Variants in MSN observed in about 807,000 individuals in gnomAD.
The protein encoded by MSN is epididymis luminal protein 70.
In MSN, 2 loss-of-function variants were observed where a neutral mutation model predicts 48.0. That is an observed-to-expected ratio of 0.04 (90% CI 0.02 to 0.13). The LOEUF is 0.13. MSN is among the 10% of genes least tolerant of loss of function. The pLI is 1.00. For synonymous variants in MSN, 146 were observed against 166.9 expected, an observed-to-expected ratio of 0.87 and a Z score of 0.97; for missense variants, 267 against 470.1, an observed-to-expected ratio of 0.57 and a Z score of 3.99.
intron 1 of MSN, chrX:65,589,144 A>T (rs5964986): frequency 0.092 from 11,266 of 122,914 alleles, 1,467 homozygotes; most frequent in African/African-American, 0.35. Flanking sequence ...TTTTCACTCC[A>T]CTCTCTATCC....
Position 65,737,345 on chromosome X carries a change from C to G in MSN, c.1251+7C>G, listed in dbSNP as rs1198149712. On this transcript the variant is annotated splice_region_variant and intron_variant, in intron 10 of 12. Coordinates refer to ENST00000360270, the MANE Select transcript of MSN (RefSeq NM_002444.3). Reference sequence around the variant, plus strand: ...AAAGACTCAGGAACAGCTGGTAAAGCTGTAGGGTGGGCTGGGATTATGGGA... The same window carrying G: ...AAAGACTCAGGAACAGCTGGTAAAGGTGTAGGGTGGGCTGGGATTATGGGA... 8.3e-7 allele frequency: 1 copy of G among 1,202,887 alleles called. No homozygotes were observed. Among genetic ancestry groups the G allele is most frequent in the East Asian group, 3.0e-5 (1 of 33,676 alleles).
chrX:65,611,793 G>A (rs899209916), intron 1 of MSN, among the ~76,000 whole-genome samples: 5 of 110,856 alleles, frequency 4.5e-5, no homozygotes, highest in Admixed American at 9.7e-5. Flanking sequence ...TTGTCATACT[G>A]TTTTCCAAAG....
chrX:65,606,613 G>T (rs1029869932), intron 1 of MSN, among the ~76,000 whole-genome samples: 5 of 111,879 alleles, frequency 4.5e-5, no homozygotes, highest in African/African-American at 6.5e-5. Flanking sequence ...AGTAGACGAG[G>T]TTTTGCCATG....
At chrX:65,656,592 A>G (rs758096617) in intron 1 of MSN, among the ~76,000 whole-genome samples, 3 of 111,378 alleles carry the variant, frequency 2.7e-5, no homozygotes, top group African/African-American at 9.8e-5. Context: ...TATGGGAGCA[A>G]CTACAGCCCA....
chrX:65,633,736 A>G (rs750582347), intron 1 of MSN, among the ~76,000 whole-genome samples: 35 of 112,368 alleles, frequency 3.1e-4, no homozygotes, highest in Non-Finnish European at 6.2e-4. Flanking sequence ...TCAGCCTTCA[A>G]TGGTCTAACA....
intron 1 of MSN, among the ~76,000 whole-genome samples, chrX:65,609,608 G>A (rs1471237357): frequency 9.0e-6 from 1 of 111,680 alleles, no homozygotes; most frequent in African/African-American, 3.3e-5. Context: ...TCCTGGCCAG[G>A]CGCGGTGGCT....
At chrX:65,597,578 G>A (rs1255901398) in intron 1 of MSN, among the ~76,000 whole-genome samples, 1 of 109,656 alleles carries the variant, frequency 9.1e-6, no homozygotes, top group African/African-American at 3.3e-5. Flanking sequence ...AAACTCCTAG[G>A]CTCAAGCGAT....
chrX:65,718,023 T>A (rs2071483079), intron 2 of MSN, among the ~76,000 whole-genome samples: 1 of 111,759 alleles, frequency 8.9e-6, no homozygotes, highest in African/African-American at 3.2e-5. Context: ...ACAGCTTGGG[T>A]ACACCTTCTG....
chrX:65,619,689 A>G (rs1377257801), intron 1 of MSN, among the ~76,000 whole-genome samples: 7 of 108,000 alleles, frequency 6.5e-5, no homozygotes, highest in Admixed American at 9.7e-5. Flanking sequence ...TGATCGTCTG[A>G]AGCCTTCTTC....
intron 1 of MSN, among the ~76,000 whole-genome samples, chrX:65,615,766 A>G (rs1391055857): frequency 9.0e-6 from 1 of 111,196 alleles, no homozygotes; most frequent in Admixed American, 9.7e-5. Context: ...TGTTTTAGAC[A>G]TGAAGTCCAT....
At chrX:65,689,561 G>A in intron 1 of MSN, among the ~76,000 whole-genome samples, 1 of 111,510 alleles carries the variant, frequency 9.0e-6, no homozygotes, top group African/African-American at 3.3e-5. Context: ...CTGTGGCCAG[G>A]TAGTTCCTGG....
chrX:65,644,708 G>A (rs2070682437), intron 1 of MSN, among the ~76,000 whole-genome samples: 1 of 111,542 alleles, frequency 9.0e-6, no homozygotes, highest in Admixed American at 9.6e-5. Flanking sequence ...CTCCTGGTAA[G>A]TGGGGGAAGC....
At chrX:65,642,919 C>A (rs2070668318) in intron 1 of MSN, among the ~76,000 whole-genome samples, 1 of 110,919 alleles carries the variant, frequency 9.0e-6, no homozygotes, top group African/African-American at 3.3e-5. Context: ...GAGCAAAGGC[C>A]AGTCAGCTTA....
At chrX:65,624,957 T>C (rs1236761973) in intron 1 of MSN, 2 of 111,806 alleles carry the variant, frequency 1.8e-5, no homozygotes, top group African/African-American at 6.5e-5. Context: ...TGTCTTCACT[T>C]TATTCCCAAA....
rs370559953 is a variant in MSN at position 65,709,131 on chromosome X, T to A, written c.13-7687T>A. 3.6e-5 allele frequency among the ~76,000 whole-genome samples: 4 copies of A among 112,319 alleles called. No individual in the cohort carries two copies. The South Asian group carries it at 1.5e-3, about 41-fold the overall frequency. ...TGCAGTAAACACGAGGGTGCAGATA[T>A]CTCTTGGATATACTGATTTTTTTTC... On this transcript the variant is annotated intron_variant, in intron 1 of 12. Coordinates refer to ENST00000360270, the MANE Select transcript of MSN (RefSeq NM_002444.3).
chrX:65,622,170 C>T (rs900483839), intron 1 of MSN, among the ~76,000 whole-genome samples: 1 of 106,080 alleles, frequency 9.4e-6, no homozygotes, highest in African/African-American at 3.4e-5. Flanking sequence ...TCTCGACTCA[C>T]TGCAACCTCT....
At chrX:65,664,677 C>G (rs186645882), upstream of MSN, among the ~76,000 whole-genome samples, 281 of 107,729 alleles carry the variant, frequency 2.6e-3, 3 homozygotes, top group African/African-American at 9.1e-3. Context: ...TCTCCCTCAG[C>G]CCCTTTCCCC....
At chrX:65,712,263 A>T (rs981981569) in intron 1 of MSN, among the ~76,000 whole-genome samples, 1 of 111,263 alleles carries the variant, frequency 9.0e-6, no homozygotes, top group African/African-American at 3.3e-5. Context: ...CCCATTGTCA[A>T]TCCTAAAATA....
At chrX:65,725,289 C>A (rs1048263926) in intron 2 of MSN, among the ~76,000 whole-genome samples, 1 of 112,253 alleles carries the variant, frequency 8.9e-6, no homozygotes, top group Non-Finnish European at 1.9e-5. Flanking sequence ...CAAACCACAT[C>A]CAAACCATAG....
Sources: gnomAD v4.1 joint callset for allele counts (sites outside exome capture counted in the v4.1 genomes callset) on GRCh38, gnomAD v4.1.1 for gene constraint, MANE v1.5 for transcripts, NCBI Gene and HGNC (gene_info 2026-07-23, HGNC 2026-07-21) for gene names.